The following DMD variants were observed in gnomAD, a reference collection of about 807,000 sequenced individuals.
DMD encodes mutant dystrophin.
Under a neutral mutation model 330.1 loss-of-function variants are expected in DMD, and 63 were observed. That is an observed-to-expected ratio of 0.19 (90% CI 0.16 to 0.24). DMD has a LOEUF of 0.24. Ranked by LOEUF, DMD falls within the 10% of genes least tolerant of loss-of-function variation. DMD has a pLI of 1.00. For missense variants in DMD, 3,344 were observed against 2,684.1 expected (o/e 1.25, Z -5.43); for synonymous variants, 1,223 against 959.8 (o/e 1.27, Z -5.07).
At chrX:31,463,568 C>G (rs1038142699) in intron 59 of DMD, among the ~76,000 whole-genome samples, 1 of 111,799 alleles carries the variant, frequency 8.9e-6, no homozygotes, top group Non-Finnish European at 1.9e-5. Flanking sequence ...TTTTACTGAA[C>G]GGTAGGAGAG....
At position 33,218,605 on chromosome X, in the gene DMD, G is replaced by T. The variant is rs190660130; in HGVS notation, c.7+120654C>A. Among the ~76,000 whole-genome samples, 618 of 110,969 alleles carry T rather than the reference G, an allele frequency of 5.6e-3. 5 individuals are homozygous for T. The highest frequency in any genetic ancestry group is 0.019 in the African/African-American group (595 of 30,609). On this transcript the variant is annotated intron_variant, in intron 1 of 17. Transcript: ENST00000288447. ...TGCGTCTAAGCATGAGTTTCTTTGG[G>T]TTTATCCTGTATACTCAGCTCCTTG...
At chrX:32,916,436 A>G (rs755437442) in intron 2 of DMD, among the ~76,000 whole-genome samples, 32 of 112,050 alleles carry the variant, frequency 2.9e-4, no homozygotes, top group African/African-American at 1.0e-3. Flanking sequence ...GAATGAAAAT[A>G]TAAATCATAT....
chrX:32,414,889 T>C (rs2098160453), intron 29 of DMD, among the ~76,000 whole-genome samples: 1 of 112,146 alleles, frequency 8.9e-6, no homozygotes, highest in Admixed American at 9.5e-5. Context: ...AGCTTCCTTT[T>C]GTTCTCAGTC....
intron 44 of DMD, among the ~76,000 whole-genome samples, chrX:32,211,464 A>G (rs185212848): frequency 1.5e-4 from 17 of 112,082 alleles, no homozygotes; most frequent in African/African-American, 4.5e-4. Context: ...TTGCACATTT[A>G]CCATATAACA....
At chrX:31,569,239 T>A (rs1427861825) in intron 55 of DMD, among the ~76,000 whole-genome samples, 2 of 111,018 alleles carry the variant, frequency 1.8e-5, no homozygotes, top group Non-Finnish European at 3.8e-5. Flanking sequence ...TGTCTTTTTG[T>A]CATTCTTTAA....
intron 4 of DMD, among the ~76,000 whole-genome samples, chrX:32,840,526 G>A (rs2080070862): frequency 9.0e-6 from 1 of 111,353 alleles, no homozygotes; most frequent in Non-Finnish European, 1.9e-5. Context: ...ATACACATGT[G>A]TAACAGCTAT....
intron 29 of DMD, chrX:32,412,339 G>T: frequency 1.8e-6 from 1 of 547,360 alleles, no homozygotes; most frequent in Non-Finnish European, 2.7e-6. Context: ...TTCCACCAGT[G>T]AGATACATGT....
At chrX:31,617,288 G>A (rs182330003) in intron 55 of DMD, among the ~76,000 whole-genome samples, 323 of 111,412 alleles carry the variant, frequency 2.9e-3, no homozygotes, top group Non-Finnish European at 4.9e-3. Context: ...TAATCTCAGC[G>A]TTTTGGGAGG....
At chrX:33,299,822 T>C (rs1309883150) in intron 1 of DMD, among the ~76,000 whole-genome samples, 1 of 112,040 alleles carries the variant, frequency 8.9e-6, no homozygotes, top group Non-Finnish European at 1.9e-5. Context: ...AGTCTCTTCT[T>C]GAATTTTGAC....
At chrX:31,916,014 G>A (rs1394594672) in intron 47 of DMD, among the ~76,000 whole-genome samples, 1 of 112,028 alleles carries the variant, frequency 8.9e-6, no homozygotes, top group Admixed American at 9.5e-5. Flanking sequence ...TGTTAGAAAT[G>A]AGTGAGCCAG....
At chrX:31,535,500 A>T (rs1237728466) in intron 55 of DMD, among the ~76,000 whole-genome samples, 1 of 86,185 alleles carries the variant, frequency 1.2e-5, no homozygotes, top group African/African-American at 4.3e-5. Flanking sequence ...AGATGGATTA[A>T]AGATTTAAAC....
intron 7 of DMD, among the ~76,000 whole-genome samples, chrX:32,707,743 C>A (rs1198587953): frequency 1.8e-5 from 2 of 111,618 alleles, no homozygotes; most frequent in Admixed American, 9.6e-5. Flanking sequence ...AACTTCTAAA[C>A]CCAGGAGAAC....
intron 60 of DMD, among the ~76,000 whole-genome samples, chrX:31,367,419 G>A (rs2059322469): frequency 9.0e-6 from 1 of 110,770 alleles, no homozygotes; most frequent in Non-Finnish European, 1.9e-5. Flanking sequence ...GCTCGAGGAA[G>A]GATTCAACAT....
intron 13 of DMD, among the ~76,000 whole-genome samples, chrX:32,579,800 A>G (rs1387668189): frequency 8.8e-6 from 1 of 113,003 alleles, no homozygotes; most frequent in African/African-American, 3.2e-5. Context: ...AAAGGTAAGT[A>G]TGACTGATTT....
chrX:31,969,092 C>G (rs2095376689), intron 44 of DMD, among the ~76,000 whole-genome samples: 1 of 111,443 alleles, frequency 9.0e-6, no homozygotes, highest in Non-Finnish European at 1.9e-5. Flanking sequence ...GAATTAATTG[C>G]TTTCAGGAGC....
chrX:32,100,431 C>T (rs1198849656), intron 44 of DMD, among the ~76,000 whole-genome samples: 4 of 107,044 alleles, frequency 3.7e-5, no homozygotes, highest in Non-Finnish European at 7.7e-5. Flanking sequence ...AATGTAAATG[C>T]ATTTATCTCA....
chrX:32,499,990 C>T (rs1174217117), intron 19 of DMD, among the ~76,000 whole-genome samples: 5 of 111,023 alleles, frequency 4.5e-5, no homozygotes. Flanking sequence ...GAGCTATGGT[C>T]ATTTTAAGTA....
intron 63 of DMD, among the ~76,000 whole-genome samples, chrX:31,233,460 T>C (rs749833281): frequency 2.7e-5 from 3 of 109,891 alleles, no homozygotes; most frequent in South Asian, 7.7e-4. Flanking sequence ...ACTTAATTCT[T>C]ATACCTTTGC....
intron 53 of DMD, among the ~76,000 whole-genome samples, chrX:31,663,296 G>C (rs1419080888): frequency 2.7e-5 from 3 of 111,225 alleles, no homozygotes; most frequent in Admixed American, 1.9e-4. Flanking sequence ...CTGGGCTTTG[G>C]TAAAACTTGT....
Sources: gnomAD v4.1 joint callset for allele counts (sites outside exome capture counted in the v4.1 genomes callset) on GRCh38, gnomAD v4.1.1 for gene constraint, MANE v1.5 for transcripts, NCBI Gene and HGNC (gene_info 2026-07-23, HGNC 2026-07-21) for gene names.